Variants in CDC42BPA observed in about 807,000 individuals in gnomAD.
CDC42BPA encodes CDC42 binding protein kinase alpha.
In CDC42BPA, 80 loss-of-function variants were observed where a neutral mutation model predicts 223.5. The observed-to-expected ratio is 0.36, with a 90% confidence interval of 0.30 to 0.43. The LOEUF (loss-of-function observed/expected upper bound fraction) is 0.43, where lower values mean the gene tolerates loss of function less well. Ranked by LOEUF, CDC42BPA falls within the 20% of genes least tolerant of loss-of-function variation. The pLI is 1.00. For synonymous variants in CDC42BPA, 694 were observed against 718.6 expected (o/e 0.97, Z 0.55); for missense variants, 1,743 against 2,099.9 (o/e 0.83, Z 3.32).
intron 1 of CDC42BPA, among the ~76,000 whole-genome samples, chr1:227,260,432 T>C (rs1262188954): frequency 6.6e-6 from 1 of 151,068 alleles, no homozygotes; most frequent in Non-Finnish European, 1.5e-5. Flanking sequence ...CTACTCTGTG[T>C]AGCCCAAGAT....
At position 227,218,163 on chromosome 1, in the gene CDC42BPA, C is replaced by G. The variant is rs1482357894; in HGVS notation, c.271-4944G>C. On this transcript the variant is annotated intron_variant, in intron 2 of 36. Coordinates refer to ENST00000366766, the MANE Select transcript of CDC42BPA (RefSeq NM_001394014.1). The stretch of plus-strand genomic sequence containing the variant: ...AATATTCTCAGCTGCAAGTATACAA[C>G]TAAACTGACACTAAAACTCAAAAAT... Among the ~76,000 whole-genome samples, 6 of 152,220 alleles carry G rather than the reference C, an allele frequency of 3.9e-5. No homozygotes were observed. The East Asian group carries it at 1.2e-3, about 29-fold the overall frequency.
intron 1 of CDC42BPA, among the ~76,000 whole-genome samples, chr1:227,283,803 G>C (rs1558951328): frequency 6.6e-6 from 1 of 152,188 alleles, no homozygotes; most frequent in Non-Finnish European, 1.5e-5. Context: ...AGGCATGGTG[G>C]CTCACGCCTG....
At chr1:227,273,147 A>G (rs1686244687) in intron 1 of CDC42BPA, among the ~76,000 whole-genome samples, 1 of 152,156 alleles carries the variant, frequency 6.6e-6, no homozygotes, top group Admixed American at 6.5e-5. Context: ...AAAATACAAA[A>G]ATTAGCCAGG....
chr1:227,036,532 C>T (rs1291673128), intron 24 of CDC42BPA, among the ~76,000 whole-genome samples: 1 of 151,490 alleles, frequency 6.6e-6, no homozygotes. Flanking sequence ...GGGGTTCACG[C>T]CATTCTCCTG....
intron 34 of CDC42BPA, among the ~76,000 whole-genome samples, chr1:227,006,979 A>ACAC (rs1278366948): frequency 6.6e-6 from 1 of 151,802 alleles, no homozygotes; most frequent in African/African-American, 2.4e-5. Context: ...AACAACAACA[A>ACAC]CAACAACAAC....
At chr1:227,078,875 AACTTT>A (rs1680038633) in intron 17 of CDC42BPA, among the ~76,000 whole-genome samples, 1 of 152,180 alleles carries the variant, frequency 6.6e-6, no homozygotes, top group Admixed American at 6.5e-5. Context: ...CCAAATCTGG[AACTTT>A]TTGAGTACTG....
At chr1:227,101,651 T>TA (rs1218653468) in intron 14 of CDC42BPA, among the ~76,000 whole-genome samples, 2 of 152,176 alleles carry the variant, frequency 1.3e-5, no homozygotes, top group South Asian at 4.1e-4. Context: ...ATCTGTGTCT[T>TA]AAAAAAATTA....
At chr1:227,089,822 T>C (rs73096883) in intron 16 of CDC42BPA, among the ~76,000 whole-genome samples, 8,788 of 152,154 alleles carry the variant, frequency 0.058, 836 homozygotes, top group African/African-American at 0.2. Context: ...CAGAAATGTA[T>C]GGCTAACAAT....
At chr1:227,266,505 TGTTA>T (rs1361586531) in intron 1 of CDC42BPA, among the ~76,000 whole-genome samples, 4 of 152,242 alleles carry the variant, frequency 2.6e-5, no homozygotes, top group African/African-American at 9.6e-5. Flanking sequence ...TTTCGATCAC[TGTTA>T]GTTGTATTGT....
chr1:227,109,714 T>G (rs1558517266), intron 14 of CDC42BPA, among the ~76,000 whole-genome samples: 1 of 151,640 alleles, frequency 6.6e-6, no homozygotes, highest in African/African-American at 2.4e-5. Flanking sequence ...TTTGTAAAAT[T>G]TTTATTTGTT....
At chr1:227,100,940 A>G (rs372202472) in intron 15 of CDC42BPA, 52 bp downstream of exon 15, 7 of 1,154,672 alleles carry the variant, frequency 6.1e-6, no homozygotes, top group South Asian at 3.0e-5. Context: ...TACTTGACAC[A>G]TAACAGGTAC....
intron 21 of CDC42BPA, 98 bp downstream of exon 21, chr1:227,069,679 G>A (rs949186467): frequency 9.0e-5 from 69 of 767,456 alleles, no homozygotes; most frequent in Non-Finnish European, 1.4e-4. Context: ...GTCCTCTGAT[G>A]TGGGAAGCAA....
In CDC42BPA at chr1:227,317,165, A is replaced by C. The variant is rs1694545380; in HGVS notation, c.18T>G (p.Arg6=). Residue 6 remains arginine (R), a synonymous_variant, in exon 1 of 37, where the codon CGT becomes CGG. Coordinates refer to ENST00000366766, the MANE Select transcript of CDC42BPA (RefSeq NM_001394014.1). MSGEV[R]LRQLEQFILD... ...AAATAAACTGCTCCAACTGCCTCAA[A>C]CGCACTTCTCCAGACATGTTTGCTT... The C allele has an allele frequency of 1.9e-6, 3 of 1,612,346 alleles. No homozygotes were observed. Among genetic ancestry groups the C allele is most frequent in the Non-Finnish European group, 2.5e-6 (3 of 1,179,590 alleles).
At chr1:227,240,501 C>T (rs1454664298) in intron 2 of CDC42BPA, among the ~76,000 whole-genome samples, 3 of 152,030 alleles carry the variant, frequency 2.0e-5, no homozygotes, top group Admixed American at 6.6e-5. Flanking sequence ...GAGTTCATTA[C>T]ACAATCTCAA....
chr1:227,035,402 A>T (rs1670031966), intron 25 of CDC42BPA, 69 bp downstream of exon 25: 2 of 1,205,256 alleles, frequency 1.7e-6, no homozygotes, highest in Non-Finnish European at 2.4e-6. Context: ...TCTTAAACTA[A>T]CTGGATTTGA....
chr1:227,196,506 A>AT (rs1429995542), intron 4 of CDC42BPA, among the ~76,000 whole-genome samples: 11 of 151,110 alleles, frequency 7.3e-5, no homozygotes, highest in South Asian at 2.1e-4. Flanking sequence ...CACCCGGCTA[A>AT]TTTTTTGTAT....
chr1:227,222,304 T>C (rs927285931), intron 2 of CDC42BPA, among the ~76,000 whole-genome samples: 1 of 151,556 alleles, frequency 6.6e-6, no homozygotes. Flanking sequence ...AAGTTAGGAG[T>C]TTGAGACCAG....
rs199656326 is a variant in CDC42BPA at position 227,028,778 on chromosome 1, T to G, written c.4311A>C (p.Ala1437=). ...GATATTCTTTACTGGAGATCTCAAC[T>G]GCGCAGATAGCATCCATTGGTTGAT... ...IAHQPMDAIC[A]VEISSKEYLL... is the part of the protein sequence containing the mutation. The change falls in exon 30 of 37, where the codon GCA becomes GCC. Residue 1437 remains alanine, a synonymous_variant. Coordinates refer to ENST00000366766, the MANE Select transcript of CDC42BPA (RefSeq NM_001394014.1). 2.5e-6 allele frequency: 4 copies of G among 1,614,086 alleles called. No homozygotes were observed. The highest frequency in any genetic ancestry group is 3.4e-6 in the Non-Finnish European group (4 of 1,179,920).
chr1:227,224,516 C>T (rs1036107563), intron 2 of CDC42BPA, among the ~76,000 whole-genome samples: 1 of 152,094 alleles, frequency 6.6e-6, no homozygotes, highest in Non-Finnish European at 1.5e-5. Context: ...AGAGGTGTAG[C>T]CACCACACCC....
Sources: gnomAD v4.1 joint callset for allele counts (sites outside exome capture counted in the v4.1 genomes callset) on GRCh38, gnomAD v4.1.1 for gene constraint, MANE v1.5 for transcripts, NCBI Gene and HGNC (gene_info 2026-07-23, HGNC 2026-07-21) for gene names.